Variants in PTPRM observed in about 807,000 individuals in gnomAD.
PTPRM encodes the protein protein tyrosine phosphatase receptor type M.
Under a neutral mutation model 186.7 loss-of-function variants are expected in PTPRM, and 47 were observed. The ratio of observed to expected loss-of-function variants is 0.25; its 90% CI spans 0.20 to 0.32. The LOEUF is 0.32. PTPRM is among the 10% of genes least tolerant of loss of function. The pLI is 1.00. For synonymous variants in PTPRM, 668 were observed against 674.9 expected (o/e 0.99, Z 0.16); for missense variants, 1,494 against 1,865.0 (o/e 0.80, Z 3.66).
At chr18:8,288,686 C>T (rs956331415) in intron 19 of PTPRM, among the ~76,000 whole-genome samples, 3 of 152,122 alleles carry the variant, frequency 2.0e-5, no homozygotes, top group Non-Finnish European at 2.9e-5. Context: ...TGTTTTTTTG[C>T]TCTTGCCACT....
chr18:7,647,872 C>T (rs988522341), intron 1 of PTPRM, among the ~76,000 whole-genome samples: 2 of 152,212 alleles, frequency 1.3e-5, no homozygotes, highest in Non-Finnish European at 2.9e-5. Context: ...AATGTATTCT[C>T]AGGTGATGCA....
intron 2 of PTPRM, among the ~76,000 whole-genome samples, chr18:7,847,029 CTT>C (rs999177624): frequency 4.6e-5 from 7 of 151,390 alleles, no homozygotes; most frequent in African/African-American, 1.7e-4. Context: ...AACTAGGAAT[CTT>C]TGCAAGGTCC....
chr18:7,782,106 A>T (rs1184220779), intron 2 of PTPRM, among the ~76,000 whole-genome samples: 1 of 152,192 alleles, frequency 6.6e-6, no homozygotes, highest in African/African-American at 2.4e-5. Context: ...TAGAAAAATA[A>T]CTTTAGATGA....
chr18:7,934,210 A>G (rs189103724), intron 5 of PTPRM, among the ~76,000 whole-genome samples: 2 of 152,350 alleles, frequency 1.3e-5, no homozygotes, highest in Admixed American at 1.3e-4. Context: ...CACCTTTTGT[A>G]AAGAATGTAA....
chr18:7,977,669 T>C (rs75319629), intron 7 of PTPRM, among the ~76,000 whole-genome samples: 2,010 of 152,344 alleles, frequency 0.013, 15 homozygotes, highest in South Asian at 0.033. Context: ...TGATACAAAC[T>C]GACTTCATGT....
rs72905894 is a variant in PTPRM at position 8,035,302 on chromosome 18, A to C, written c.1133-34384A>C. On this transcript the variant is annotated intron_variant, in intron 7 of 32. Coordinates refer to ENST00000580170, the MANE Select transcript of PTPRM (RefSeq NM_001105244.2). ...AAAGTTTAATTCTTAGATTTATTCTATCTGTGAAGAAAAATAACCTGCAAA... is the reference window on the plus strand; with the variant it reads ...AAAGTTTAATTCTTAGATTTATTCTCTCTGTGAAGAAAAATAACCTGCAAA... 7.2e-3 allele frequency among the ~76,000 whole-genome samples: 1,095 copies of C among 152,302 alleles called. 8 individuals are homozygous for C. Among genetic ancestry groups the C allele is most frequent in the Non-Finnish European group, 0.012 (809 of 68,030 alleles).
chr18:7,982,187 C>A (rs1390969619), intron 7 of PTPRM, among the ~76,000 whole-genome samples: 1 of 151,990 alleles, frequency 6.6e-6, no homozygotes, highest in African/African-American at 2.4e-5. Context: ...TTTGTAATAA[C>A]ACTTAGCTTA....
At chr18:7,714,545 C>T (rs746854037) in intron 1 of PTPRM, among the ~76,000 whole-genome samples, 7 of 151,818 alleles carry the variant, frequency 4.6e-5, no homozygotes, top group South Asian at 2.1e-4. Context: ...GACAGAGACA[C>T]GAAAAACCCT....
At chr18:7,770,833 G>A (rs1044138485) in intron 1 of PTPRM, among the ~76,000 whole-genome samples, 1 of 151,156 alleles carries the variant, frequency 6.6e-6, no homozygotes, top group Admixed American at 6.6e-5. Flanking sequence ...TGTTATTTTG[G>A]GGGGGTCCCA....
intron 19 of PTPRM, among the ~76,000 whole-genome samples, chr18:8,267,457 A>G (rs1195197895): frequency 1.3e-5 from 2 of 152,176 alleles, no homozygotes; most frequent in Non-Finnish European, 2.9e-5. Context: ...AAAATCACCT[A>G]TAACTCACTA....
At chr18:8,334,317 T>C (rs183738100) in intron 22 of PTPRM, among the ~76,000 whole-genome samples, 160 of 152,326 alleles carry the variant, frequency 1.1e-3, no homozygotes, top group African/African-American at 3.5e-3. Context: ...CAGTCCTCCC[T>C]GGTCTGAATC....
At chr18:7,778,951 G>C (rs919300034) in intron 2 of PTPRM, among the ~76,000 whole-genome samples, 1 of 152,128 alleles carries the variant, frequency 6.6e-6, no homozygotes, top group African/African-American at 2.4e-5. Context: ...AGGGTTTTAT[G>C]ATATAAAAAC....
rs143623329 is a variant in PTPRM, at chr18:7,804,379, T to C, written c.196+30108T>C. On this transcript the variant is annotated intron_variant, in intron 2 of 32. Coordinates refer to ENST00000580170, the MANE Select transcript of PTPRM (RefSeq NM_001105244.2). ...GATGTGATCTTGGGCAGGCCGGAGTTAATAGTTGACTACCCTGCTATTCAG... is the reference window on the plus strand; with the variant it reads ...GATGTGATCTTGGGCAGGCCGGAGTCAATAGTTGACTACCCTGCTATTCAG... Among the ~76,000 whole-genome samples the C allele has an allele frequency of 5.5e-4, 83 of 152,260 alleles. 1 individual carries two copies. Among genetic ancestry groups the C allele is most frequent in the African/African-American group, 2.0e-3 (83 of 41,550 alleles).
intron 7 of PTPRM, among the ~76,000 whole-genome samples, chr18:8,023,831 GACACACACACACAC>G (rs71354587): frequency 3.6e-4 from 40 of 110,280 alleles, no homozygotes; most frequent in African/African-American, 1.1e-3. Context: ...ATTATCAGAA[GACACACACACACAC>G]ACACACACAC....
At chr18:8,048,615 C>T (rs1454748162) in intron 7 of PTPRM, among the ~76,000 whole-genome samples, 2 of 151,386 alleles carry the variant, frequency 1.3e-5, no homozygotes, top group African/African-American at 4.9e-5. Flanking sequence ...AGTGAAAACA[C>T]AGAAGAATAA....
At chr18:8,348,701 T>C (rs2095518751) in intron 23 of PTPRM, among the ~76,000 whole-genome samples, 2 of 152,228 alleles carry the variant, frequency 1.3e-5, no homozygotes, top group Admixed American at 1.3e-4. Flanking sequence ...AGAAGTCTTA[T>C]AACCAAATCT....
At chr18:7,904,487 A>G (rs2146533276) in intron 3 of PTPRM, among the ~76,000 whole-genome samples, 1 of 152,296 alleles carries the variant, frequency 6.6e-6, no homozygotes, top group East Asian at 1.9e-4. Context: ...TCTTAACATT[A>G]CAAAATGTTA....
chr18:8,127,191 A>G (rs2092389092), intron 13 of PTPRM, among the ~76,000 whole-genome samples: 1 of 152,156 alleles, frequency 6.6e-6, no homozygotes, highest in Non-Finnish European at 1.5e-5. Flanking sequence ...ATGTGAATAG[A>G]AGAGGTAAAA....
intron 14 of PTPRM, among the ~76,000 whole-genome samples, chr18:8,165,038 A>G (rs1222845207): frequency 3.3e-5 from 5 of 151,826 alleles, no homozygotes; most frequent in Admixed American, 6.6e-5. Flanking sequence ...GTACGGTGGC[A>G]CACACCTGTA....
Sources: allele counts gnomAD v4.1 joint callset (sites outside exome capture counted in the v4.1 genomes callset), GRCh38; gene constraint gnomAD v4.1.1; transcripts MANE v1.5; gene names NCBI Gene and HGNC (gene_info 2026-07-23, HGNC 2026-07-21).